The following LRRK1 variants were observed in gnomAD, a reference collection of about 807,000 sequenced individuals.
LRRK1 encodes leucine-rich repeat serine/threonine-protein kinase 1.
Under a neutral mutation model 209.1 loss-of-function variants are expected in LRRK1, and 113 were observed. That is an observed-to-expected ratio of 0.54 (90% CI 0.46 to 0.63). The LOEUF (loss-of-function observed/expected upper bound fraction) is 0.63, where lower values mean the gene tolerates loss of function less well. LRRK1 is among the 30% of genes least tolerant of loss of function. LRRK1 has a pLI of 0.00. For synonymous variants in LRRK1, 1,144 were observed against 1,099.7 expected (o/e 1.04, Z -0.80); for missense variants, 2,284 against 2,632.2 (o/e 0.87, Z 2.89).
chr15:101,005,435 T>C (rs925549295), intron 6 of LRRK1, among the ~76,000 whole-genome samples: 1 of 152,066 alleles, frequency 6.6e-6, no homozygotes, highest in African/African-American at 2.4e-5. Flanking sequence ...AGTCGTGAAT[T>C]GTGGATTATG....
At chr15:100,925,105 T>A (rs761695535) in intron 2 of LRRK1, among the ~76,000 whole-genome samples, 4 of 152,218 alleles carry the variant, frequency 2.6e-5, no homozygotes, top group Non-Finnish European at 4.4e-5. Context: ...AATCCCGCTA[T>A]CTCAAACACA....
intron 2 of LRRK1, among the ~76,000 whole-genome samples, chr15:100,929,047 C>T (rs2042163381): frequency 6.6e-6 from 1 of 152,208 alleles, no homozygotes; most frequent in Non-Finnish European, 1.5e-5. Flanking sequence ...GCATGGGCTG[C>T]AGGACGCGCA....
chr15:100,949,197 T>C (rs996155991), intron 2 of LRRK1, among the ~76,000 whole-genome samples: 6 of 151,994 alleles, frequency 3.9e-5, no homozygotes, highest in Non-Finnish European at 7.4e-5. Context: ...AAGAGGAACA[T>C]CGCTGGCAAC....
chr15:100,988,072 A>C (rs931277304), intron 4 of LRRK1, among the ~76,000 whole-genome samples: 8 of 152,220 alleles, frequency 5.3e-5, no homozygotes, highest in African/African-American at 1.9e-4. Context: ...CAGAGAGACT[A>C]TTCCAGAAAA....
At chr15:100,989,560 C>A in intron 6 of LRRK1, 162 bp downstream of exon 6, 1 of 691,998 alleles carries the variant, frequency 1.4e-6, no homozygotes. Flanking sequence ...TGAGGGCCTT[C>A]ATGCAGTGAT....
intron 3 of LRRK1, 33 bp downstream of exon 3, chr15:100,974,000 G>A (rs1261882149): frequency 2.4e-6 from 3 of 1,243,128 alleles, no homozygotes; most frequent in Admixed American, 4.2e-5. Context: ...GGCCACCCAT[G>A]CAGCCCCGGG....
intron 12 of LRRK1, among the ~76,000 whole-genome samples, chr15:101,020,128 G>A (rs1240429716): frequency 6.6e-6 from 1 of 152,142 alleles, no homozygotes; most frequent in African/African-American, 2.4e-5. Flanking sequence ...TTGAACAGTA[G>A]CAAAGGGCAT....
rs115802266 is a variant in LRRK1 at position 100,926,008 on chromosome 15, C to T, written c.97+1279C>T. 3.7e-3 allele frequency among the ~76,000 whole-genome samples: 570 copies of T among 152,332 alleles called. 6 individuals carry two copies. Among genetic ancestry groups the T allele is most frequent in the African/African-American group, 0.012 (498 of 41,566 alleles). On this transcript the variant is annotated intron_variant, in intron 2 of 33. Coordinates refer to ENST00000388948, the MANE Select transcript of LRRK1 (RefSeq NM_024652.6). ...GCCACTGTACCTGGCTTGGCAGACA[C>T]TTTGTTCAGTTGTTTGAGTGTTTTC... is the stretch of plus-strand genomic sequence containing the variant.
intron 6 of LRRK1, among the ~76,000 whole-genome samples, chr15:101,005,197 T>C (rs1365383590): frequency 2.6e-5 from 4 of 152,178 alleles, no homozygotes; most frequent in Non-Finnish European, 5.9e-5. Context: ...ACAGGCCCTG[T>C]GGAGCCTTTT....
chr15:101,027,003 C>T lies in LRRK1; in HGVS notation c.2406-258C>T, dbSNP rs1190164769. 6.6e-6 allele frequency among the ~76,000 whole-genome samples: 1 copy of T among 152,058 alleles called. No homozygotes were observed. Among genetic ancestry groups the T allele is most frequent in the Admixed American group, 6.6e-5 (1 of 15,266 alleles). ...GCCCAGCCTGTACCCTTGGGGGTCT[C>T]GGTGTACCTCTGCACCTCACTTTCC... is the stretch of plus-strand genomic sequence containing the variant. On this transcript the variant is annotated intron_variant, in intron 17 of 33. Coordinates refer to ENST00000388948, the MANE Select transcript of LRRK1 (RefSeq NM_024652.6). This position sits in a 1 kb window ranked among gnomAD's most constrained non-coding sequence, Gnocchi z 5.1.
intron 2 of LRRK1, among the ~76,000 whole-genome samples, chr15:100,956,666 TC>T (rs1180783083): frequency 6.6e-6 from 1 of 151,914 alleles, no homozygotes; most frequent in Non-Finnish European, 1.5e-5. Flanking sequence ...GGTTTCACCA[TC>T]TTGACCAGGC....
rs1475984323 is a variant in LRRK1 at position 101,070,851 on chromosome 15, T to TA, written c.*2004dup. The TA allele has an allele frequency of 6.7e-6, 1 of 148,258 alleles. No homozygotes were observed. The highest frequency in any genetic ancestry group is 1.5e-5 in the Non-Finnish European group (1 of 67,304). 9.2% of individuals were successfully genotyped at this position (148,258 alleles called of 1,614,324 possible). ...AACTTGACTCCATGAAATTGAAACTTACGTGGAAAATTAGTCCAAAGCCTA... is the reference window on the plus strand; with the variant it reads ...AACTTGACTCCATGAAATTGAAACTTAACGTGGAAAATTAGTCCAAAGCCTA... On this transcript the variant is annotated 3_prime_UTR_variant, in exon 34 of 34. Coordinates refer to ENST00000388948, the MANE Select transcript of LRRK1 (RefSeq NM_024652.6).
chr15:100,938,075 T>C (rs1262599977), intron 2 of LRRK1, among the ~76,000 whole-genome samples: 2 of 151,002 alleles, frequency 1.3e-5, no homozygotes, highest in Admixed American at 6.6e-5. Context: ...CCCAGGTTGG[T>C]CTCGAACTCC....
intron 3 of LRRK1, among the ~76,000 whole-genome samples, chr15:100,977,818 A>C (rs2031379187): frequency 1.3e-5 from 2 of 152,306 alleles, no homozygotes; most frequent in South Asian, 4.1e-4. Flanking sequence ...TCCAGGCCAC[A>C]ATAAAAAATT....
At position 101,010,592 on chromosome 15, in the gene LRRK1, C is replaced by G; in HGVS notation, c.1117+15C>G. On this transcript the variant is annotated intron_variant, in intron 8 of 33. Coordinates refer to ENST00000388948, the MANE Select transcript of LRRK1 (RefSeq NM_024652.6). ...AGAAGAAAATGGTATGTTTTCTCAT[C>G]AACTTGAGTGAATTAGTCATTTTCT... The G allele has an allele frequency of 6.2e-7, 1 of 1,607,872 alleles. No homozygotes were observed. The highest frequency in any genetic ancestry group is 8.5e-7 in the Non-Finnish European group (1 of 1,178,362).
intron 2 of LRRK1, among the ~76,000 whole-genome samples, chr15:100,935,799 A>G (rs1284306588): frequency 1.3e-5 from 2 of 152,178 alleles, no homozygotes; most frequent in Non-Finnish European, 2.9e-5. Context: ...GAATCTAGGC[A>G]GGGCCCAGCT....
At chr15:100,998,925 TG>T (rs1263275577) in intron 6 of LRRK1, among the ~76,000 whole-genome samples, 1 of 152,118 alleles carries the variant, frequency 6.6e-6, no homozygotes, top group Non-Finnish European at 1.5e-5. Flanking sequence ...AATGAATGGG[TG>T]GATGGTTGAA....
At chr15:100,951,987 A>T (rs2042663945) in intron 2 of LRRK1, among the ~76,000 whole-genome samples, 1 of 150,840 alleles carries the variant, frequency 6.6e-6, no homozygotes, top group East Asian at 1.9e-4. Context: ...AATAATAATA[A>T]AATAATAGTA....
At chr15:101,030,452 G>A (rs546721283) in intron 20 of LRRK1, among the ~76,000 whole-genome samples, 1 of 152,286 alleles carries the variant, frequency 6.6e-6, no homozygotes, top group South Asian at 2.1e-4. Flanking sequence ...AGCCTCCAGA[G>A]GCTCAGGCCT....
Sources: allele counts gnomAD v4.1 joint callset (sites outside exome capture counted in the v4.1 genomes callset), GRCh38; gene constraint gnomAD v4.1.1; non-coding constraint Gnocchi (gnomAD v3.1); transcripts MANE v1.5; gene names NCBI Gene and HGNC (gene_info 2026-07-23, HGNC 2026-07-21).